Variants in DRG2 observed in about 807,000 individuals in gnomAD.
The protein encoded by DRG2 is developmentally regulated GTP binding protein 2, also known as developmentally-regulated GTP-binding protein 2.
DRG2 carries 36 observed loss-of-function variants against 53.4 expected under a neutral mutation model. That is an observed-to-expected ratio of 0.67 (90% CI 0.52 to 0.89). The LOEUF (loss-of-function observed/expected upper bound fraction) is 0.89. DRG2 is among the 40% of genes least tolerant of loss of function. The pLI is 0.00. For missense variants in DRG2, 342 were observed against 481.2 expected (o/e 0.71, Z 2.71); for synonymous variants, 167 against 192.1 (o/e 0.87, Z 1.08).
chr17:18,091,185 G>A (rs766245024), intron 1 of DRG2, among the ~76,000 whole-genome samples: 3 of 152,200 alleles, frequency 2.0e-5, no homozygotes, highest in Non-Finnish European at 4.4e-5. Context: ...GGGGAAGGGC[G>A]GAATTTACTG....
At chr17:18,104,410 A>T in intron 10 of DRG2, 1 of 1,100,620 alleles carries the variant, frequency 9.1e-7, no homozygotes, top group Non-Finnish European at 1.3e-6. Flanking sequence ...TGAATCCTAG[A>T]CGTGATTTAT....
intron 7 of DRG2, among the ~76,000 whole-genome samples, 155 bp from the exon 8 acceptor site, chr17:18,101,338 G>A (rs1209466971): frequency 6.6e-6 from 1 of 152,142 alleles, no homozygotes; most frequent in Non-Finnish European, 1.5e-5. Context: ...AGAACAGAGG[G>A]CTTCCAAAGC....
In DRG2 at chr17:18,098,769, T is replaced by C. The variant is rs866440557; in HGVS notation, c.316-248T>C. Among the ~76,000 whole-genome samples the C allele has an allele frequency of 2.6e-4, 40 of 152,320 alleles. No individual in the cohort carries two copies. The highest frequency in any genetic ancestry group is 9.6e-4 in the African/African-American group (40 of 41,582). Reference sequence around the variant, plus strand: ...GTGAAACAATTTATTTGTAAAGTGCTGGTATCATCAGTGATGAGTGTTGTG... The same window carrying C: ...GTGAAACAATTTATTTGTAAAGTGCCGGTATCATCAGTGATGAGTGTTGTG... On this transcript the variant is annotated intron_variant, in intron 3 of 12. Coordinates refer to ENST00000225729, the MANE Select transcript of DRG2 (RefSeq NM_001388.5). The surrounding 1 kb of genome is among the most constrained non-coding windows in gnomAD (Gnocchi z 4.1).
At chr17:18,105,227 G>T (rs1196754616) in intron 11 of DRG2, among the ~76,000 whole-genome samples, 1 of 152,174 alleles carries the variant, frequency 6.6e-6, no homozygotes. Flanking sequence ...CCCTGTCCAG[G>T]ATTCTGTCAC....
Position 18,100,676 on chromosome 17 carries a change from G to A in DRG2, c.631+17G>A, listed in dbSNP as rs1355269393. 1 of 1,608,234 alleles carries A rather than the reference G, an allele frequency of 6.2e-7. No individual in the cohort carries two copies. On this transcript the variant is annotated intron_variant, in intron 7 of 12. Coordinates refer to ENST00000225729, the MANE Select transcript of DRG2 (RefSeq NM_001388.5). The surrounding 1 kb of genome is among the most constrained non-coding windows in gnomAD (Gnocchi z 4.1). ...ACGAATACAGTATCCTTCCCTGAAA[G>A]ACACGTGAAGGAGGGCAGCCACCAC...
chr17:18,097,632 T>G (rs1207222005), intron 2 of DRG2: 1 of 152,302 alleles, frequency 6.6e-6, no homozygotes, highest in Non-Finnish European at 1.5e-5. Flanking sequence ...ATGCCCATTC[T>G]ACATGTAAAG....
At position 18,098,721 on chromosome 17, in the gene DRG2, T is replaced by G. The variant is rs1316230080; in HGVS notation, c.316-296T>G. On this transcript the variant is annotated intron_variant, in intron 3 of 12. Transcript: ENST00000225729. The surrounding 1 kb of genome is among the most constrained non-coding windows in gnomAD (Gnocchi z 4.1). ...GCTGTGTTTGCTTTGGGCAGCTGAG[T>G]GGTATGGCCTTAAGTTCCCATGGTG... Among the ~76,000 whole-genome samples the G allele has an allele frequency of 1.3e-5, 2 of 152,204 alleles. No homozygotes were observed. Among genetic ancestry groups the G allele is most frequent in the Non-Finnish European group, 2.9e-5 (2 of 68,038 alleles).
Position 18,097,972 on chromosome 17 carries a change from G to A in DRG2, c.226-298G>A, listed in dbSNP as rs567234353. On this transcript the variant is annotated intron_variant, in intron 2 of 12. Coordinates refer to ENST00000225729, the MANE Select transcript of DRG2 (RefSeq NM_001388.5). ...AAGAGGGCCTGGAGGATTGTGTGGGGTTAGGAGAGGCTCCTGATGTATATG... is the reference window on the plus strand; with the variant it reads ...AAGAGGGCCTGGAGGATTGTGTGGGATTAGGAGAGGCTCCTGATGTATATG... 4 of 244,390 alleles carry A rather than the reference G, an allele frequency of 1.6e-5. No homozygotes were observed. In the East Asian group the frequency reaches 3.6e-4, roughly 22 times the overall value. The allele number at this position is 244,390 out of a possible 1,614,324, so 15.1% of individuals were successfully genotyped here. A position where few individuals can be genotyped will look rare whatever the true frequency, so the allele number is the denominator to read the frequency against.
chr17:18,101,969 G>A lies in DRG2; in HGVS notation c.778G>A (p.Ala260Thr). ...CTCCATGGAAGAGGTGGACCGCCTG[G>A]CCCGAAAACCCAACAGTGTGGTCAT... ...QISMEEVDRLARKPNSVVISC... is the reference protein window; with the variant it reads ...QISMEEVDRLTRKPNSVVISC... Residue 260 changes from alanine (A) to threonine (T), a missense_variant, in exon 9 of 13, where the codon GCC (alanine) becomes ACC (threonine). Coordinates refer to ENST00000225729, the MANE Select transcript of DRG2 (RefSeq NM_001388.5). 6.2e-7 allele frequency: 1 copy of A among 1,611,850 alleles called. No individual in the cohort carries two copies. Among genetic ancestry groups the A allele is most frequent in the Non-Finnish European group, 8.5e-7 (1 of 1,178,844 alleles).
chr17:18,097,309 A>G (rs1017314262), intron 2 of DRG2: 1 of 152,224 alleles, frequency 6.6e-6, no homozygotes, highest in Admixed American at 6.5e-5. Context: ...ATCACATGCC[A>G]CATTCTGGAC....
rs1489472924 is a variant in DRG2 at position 18,100,699 on chromosome 17, C to T, written c.631+40C>T. 6.3e-7 allele frequency: 1 copy of T among 1,577,992 alleles called. No homozygotes were observed. Among genetic ancestry groups the T allele is most frequent in the Non-Finnish European group, 8.6e-7 (1 of 1,159,540 alleles). On this transcript the variant is annotated intron_variant, in intron 7 of 12. Coordinates refer to ENST00000225729, the MANE Select transcript of DRG2 (RefSeq NM_001388.5). This position sits in a 1 kb window ranked among gnomAD's most constrained non-coding sequence, Gnocchi z 4.1. ...AAGACACGTGAAGGAGGGCAGCCAC[C>T]ACCGTCAGCGCAGCGGGGGGACTGA...
Position 18,098,424 on chromosome 17 carries a change from GC to G in DRG2, c.315+68del. On this transcript the variant is annotated intron_variant, in intron 3 of 12. Coordinates refer to ENST00000225729, the MANE Select transcript of DRG2 (RefSeq NM_001388.5). The surrounding 1 kb of genome is among the most constrained non-coding windows in gnomAD (Gnocchi z 4.1). ...TGCTTGTGTTTGGACTTGTGCCTGT[GC>G]CCACCCTGTGTGTGAGTCTGGGTGG... The G allele has an allele frequency of 6.9e-7, 1 of 1,455,222 alleles. No individual in the cohort carries two copies. Among genetic ancestry groups the G allele is most frequent in the Non-Finnish European group, 9.6e-7 (1 of 1,037,964 alleles). The allele number at this position is 1,455,222 out of a possible 1,614,324, so 90.1% of individuals were successfully genotyped here. A position where few individuals can be genotyped will look rare whatever the true frequency, so the allele number is the denominator to read the frequency against.
chr17:18,103,872 A>C lies in DRG2; in HGVS notation c.878A>C (p.Tyr293Ser). 2 of 1,614,054 alleles carry C rather than the reference A, an allele frequency of 1.2e-6. No individual in the cohort carries two copies. The highest frequency in any genetic ancestry group is 1.7e-6 in the Non-Finnish European group (2 of 1,180,002). The change falls in exon 10 of 13, where the codon TAC becomes TCC. Residue 293 changes from tyrosine to serine, a missense_variant. Coordinates refer to ENST00000225729, the MANE Select transcript of DRG2 (RefSeq NM_001388.5). The surrounding 1 kb of genome is among the most constrained non-coding windows in gnomAD (Gnocchi z 4.4). Reference sequence around the variant, plus strand: ...GAGTACTTGGCCCTGACCTGCATCTACACCAAGAAGAGAGGACGTGAGTTG... The same window carrying C: ...GAGTACTTGGCCCTGACCTGCATCTCCACCAAGAAGAGAGGACGTGAGTTG... ...LWEYLALTCIYTKKRGQRPDF... is the reference protein window; with the variant it reads ...LWEYLALTCISTKKRGQRPDF...
rs752003411 is a variant in DRG2, at chr17:18,100,114, C to T, written c.468-249C>T. On this transcript the variant is annotated intron_variant, in intron 5 of 12. Transcript: ENST00000225729. This position sits in a 1 kb window ranked among gnomAD's most constrained non-coding sequence, Gnocchi z 4.1. Reference sequence around the variant, plus strand: ...AAGGAGTACCCTCATGTGGTCACCTCGCGGGGGCTCCACCACTTGCCTGTG... The same window carrying T: ...AAGGAGTACCCTCATGTGGTCACCTTGCGGGGGCTCCACCACTTGCCTGTG... 2.4e-5 allele frequency: 14 copies of T among 590,166 alleles called. No homozygotes were observed. Among genetic ancestry groups the T allele is most frequent in the South Asian group, 6.0e-5 (3 of 49,994 alleles). The allele number at this position is 590,166 out of a possible 1,614,324, so 36.6% of individuals were successfully genotyped here.
rs200238045 is a variant in DRG2 at position 18,099,683 on chromosome 17, A to G, written c.427A>G (p.Ile143Val). 1.8e-4 allele frequency: 292 copies of G among 1,607,782 alleles called. 5 individuals are homozygous for G. The East Asian group carries it at 6.4e-3, about 35-fold the overall frequency. The stretch of plus-strand genomic sequence containing the variant: ...CGCTGTGGCGCGCACGGCTGACGTC[A>G]TCATCATGATGCTGGATGCCACCAA... ...VIAVARTADVIIMMLDATKGE... is the reference protein window; with the variant it reads ...VIAVARTADVVIMMLDATKGE... Residue 143 changes from isoleucine (I) to valine (V), a missense_variant, in exon 5 of 13, where the codon ATC becomes GTC. Coordinates refer to ENST00000225729, the MANE Select transcript of DRG2 (RefSeq NM_001388.5). The surrounding 1 kb of genome is among the most constrained non-coding windows in gnomAD (Gnocchi z 4.4).
At chr17:18,088,485 C>T (rs1420878330) in intron 1 of DRG2, among the ~76,000 whole-genome samples, 1 of 152,226 alleles carries the variant, frequency 6.6e-6, no homozygotes, top group African/African-American at 2.4e-5. Flanking sequence ...CCTCACCCAG[C>T]AGCTGAGAGC....
rs2045465874 is a variant in DRG2, at chr17:18,098,202, G to C, written c.226-68G>C. On this transcript the variant is annotated intron_variant, in intron 2 of 12. Transcript: ENST00000225729. This position sits in a 1 kb window ranked among gnomAD's most constrained non-coding sequence, Gnocchi z 4.1. Reference sequence around the variant, plus strand: ...TGCTGCCTGCACCTGCAGGCCCCCAGCCCCTGGGGCCTCTCCCAGAAGGCC... The same window carrying C: ...TGCTGCCTGCACCTGCAGGCCCCCACCCCCTGGGGCCTCTCCCAGAAGGCC... 1.4e-6 allele frequency: 2 copies of C among 1,390,152 alleles called. No individual in the cohort carries two copies. Among genetic ancestry groups the C allele is most frequent in the African/African-American group, 1.4e-5 (1 of 70,294 alleles). The allele number at this position is 1,390,152 out of a possible 1,614,324, so 86.1% of individuals were successfully genotyped here.
intron 11 of DRG2, among the ~76,000 whole-genome samples, chr17:18,105,071 G>A (rs538369331): frequency 9.2e-5 from 14 of 152,312 alleles, no homozygotes; most frequent in Admixed American, 4.6e-4. Flanking sequence ...CAGGACAGCG[G>A]CTTCAAGGAG....
At position 18,099,068 on chromosome 17, in the gene DRG2, G is replaced by T. The variant is rs1171676977; in HGVS notation, c.367G>T (p.Ala123Ser). Residue 123 changes from alanine (A) to serine (S), a missense_variant, in exon 4 of 13, where the codon GCA becomes TCA. Coordinates refer to ENST00000225729, the MANE Select transcript of DRG2 (RefSeq NM_001388.5). The surrounding 1 kb of genome is among the most constrained non-coding windows in gnomAD (Gnocchi z 4.4). ...LLDLPGIIEG[A>S]AQGKGRGRQV... is the part of the protein sequence containing the mutation. ...GGACCTTCCTGGAATCATTGAAGGC[G>T]CAGCCCAAGGTGGGAGGCAGGGCAG... 6.2e-7 allele frequency: 1 copy of T among 1,613,956 alleles called. No individual in the cohort carries two copies. Among genetic ancestry groups the T allele is most frequent in the South Asian group, 1.1e-5 (1 of 91,086 alleles).
Sources: allele counts gnomAD v4.1 joint callset (sites outside exome capture counted in the v4.1 genomes callset), GRCh38; gene constraint gnomAD v4.1.1; non-coding constraint Gnocchi (gnomAD v3.1); transcripts MANE v1.5; gene names NCBI Gene and HGNC (gene_info 2026-07-23, HGNC 2026-07-21).